The following RBFOX1 variants were observed in gnomAD, a reference collection of about 807,000 sequenced individuals.
The protein encoded by RBFOX1 is RNA binding fox-1 homolog 1.
RBFOX1 carries 8 observed loss-of-function variants against 57.7 expected under a neutral mutation model. The observed-to-expected ratio is 0.14, with a 90% CI of 0.08 to 0.25. The LOEUF is 0.25. RBFOX1 is among the 10% of genes least tolerant of loss of function. RBFOX1 has a pLI of 1.00. For missense variants in RBFOX1, 611 were observed against 548.5 expected, an observed-to-expected ratio of 1.11 and a Z score of -1.14; for synonymous variants, 326 against 222.4, an observed-to-expected ratio of 1.47 and a Z score of -4.15.
chr16:7,467,825 CCTT>C (rs1231515305), intron 4 of RBFOX1, among the ~76,000 whole-genome samples: 3 of 152,194 alleles, frequency 2.0e-5, no homozygotes, highest in East Asian at 1.9e-4. Context: ...TTTACAGAGT[CCTT>C]CTTTGTTTCC....
In RBFOX1 at chr16:6,779,785, T is replaced by TTATATATATTTATATATTTATATA. The variant is rs1567208191; in HGVS notation, c.-16+125136_-16+125137insATATATATTTATATATTTATATAT. On this transcript the variant is annotated intron_variant, in intron 3 of 15. Coordinates refer to ENST00000550418, the MANE Select transcript of RBFOX1 (RefSeq NM_018723.4). ...TATTTATATATATATTTATATATAT[T>TTATATATATTTATATATTTATATA]TTTATATATACTTTTATATATTTAT... 1.9e-3 allele frequency among the ~76,000 whole-genome samples: 8 copies of TTATATATATTTATATATTTATATA among 4,156 alleles called. 4 individuals carry two copies. Among genetic ancestry groups the TTATATATATTTATATATTTATATA allele is most frequent in the African/African-American group, 4.2e-3 (4 of 954 alleles). 2.7% of individuals were successfully genotyped at this position (4,156 alleles called of 152,430 possible). A position where few individuals can be genotyped will look rare whatever the true frequency, so the allele number is the denominator to read the frequency against.
intron 2 of RBFOX1, among the ~76,000 whole-genome samples, chr16:6,393,970 A>C (rs1269777899): frequency 2.0e-5 from 3 of 152,192 alleles, no homozygotes; most frequent in Non-Finnish European, 2.9e-5. Flanking sequence ...TTCTTTTTCC[A>C]ACAAGAATCT....
At chr16:7,319,205 T>C (rs2096498466) in intron 4 of RBFOX1, among the ~76,000 whole-genome samples, 1 of 152,192 alleles carries the variant, frequency 6.6e-6, no homozygotes, top group South Asian at 2.1e-4. Flanking sequence ...GTCTGTGCCG[T>C]AATCCTAAAA....
rs191045742 is a variant in RBFOX1 at position 5,335,989 on chromosome 16, A to G, written c.219+95884A>G. ...ATCAGTCTGGGATGTAGGAATTATT[A>G]TTAGTCCAATTTGGTAGGTGAGAAA... On this transcript the variant is annotated intron_variant, in intron 1 of 2. Coordinates refer to the RBFOX1 transcript ENST00000585867. Among the ~76,000 whole-genome samples, 385 of 152,242 alleles carry G rather than the reference A, an allele frequency of 2.5e-3. 1 individual carries two copies. Among genetic ancestry groups the G allele is most frequent in the African/African-American group, 8.6e-3 (359 of 41,544 alleles).
intron 3 of RBFOX1, among the ~76,000 whole-genome samples, chr16:5,669,049 C>T (rs975965595): frequency 7.2e-5 from 11 of 152,316 alleles, no homozygotes; most frequent in African/African-American, 2.6e-4. Context: ...TGAGCACCCA[C>T]ATAATGGCAC....
chr16:6,639,835 C>T (rs191860534), intron 2 of RBFOX1, among the ~76,000 whole-genome samples: 75 of 152,142 alleles, frequency 4.9e-4, no homozygotes, highest in Admixed American at 1.4e-3. Context: ...GCTGAGATCA[C>T]GCCACTGCAC....
intron 4 of RBFOX1, among the ~76,000 whole-genome samples, chr16:7,360,547 C>G (rs1327065635): frequency 1.3e-5 from 2 of 152,154 alleles, no homozygotes; most frequent in African/African-American, 4.8e-5. Context: ...AACGGGTGGC[C>G]TGAGGACCAA....
intron 3 of RBFOX1, among the ~76,000 whole-genome samples, chr16:6,805,366 C>T (rs12443558): frequency 6.6e-6 from 1 of 152,006 alleles, no homozygotes; most frequent in African/African-American, 2.4e-5. Flanking sequence ...CAGAGGGGAA[C>T]AGCAGACTTT....
At chr16:6,707,559 C>A (rs1386254645) in intron 3 of RBFOX1, among the ~76,000 whole-genome samples, 1 of 138,716 alleles carries the variant, frequency 7.2e-6, no homozygotes, top group Non-Finnish European at 1.5e-5. Context: ...TCTAAGATTT[C>A]CTTAGAATCA....
At chr16:7,608,167 A>G (rs570453289) in intron 10 of RBFOX1, among the ~76,000 whole-genome samples, 1 of 152,336 alleles carries the variant, frequency 6.6e-6, no homozygotes, top group African/African-American at 2.4e-5. Flanking sequence ...AGGAGAAATA[A>G]ATAATCCGTT....
At chr16:6,326,005 C>A in intron 2 of RBFOX1, among the ~76,000 whole-genome samples, 1 of 152,188 alleles carries the variant, frequency 6.6e-6, no homozygotes, top group East Asian at 1.9e-4. Context: ...CTCCCACTGA[C>A]TGACTTGTGT....
At chr16:6,362,575 G>A (rs1349707445) in intron 2 of RBFOX1, among the ~76,000 whole-genome samples, 1 of 152,182 alleles carries the variant, frequency 6.6e-6, no homozygotes, top group Non-Finnish European at 1.5e-5. Context: ...GCAGCTTTCT[G>A]TTACAACGTG....
chr16:6,149,764 C>A (rs1183522946), intron 1 of RBFOX1, among the ~76,000 whole-genome samples: 1 of 152,196 alleles, frequency 6.6e-6, no homozygotes, highest in African/African-American at 2.4e-5. Flanking sequence ...ATAGTCGATT[C>A]TCTTACCTGC....
chr16:7,214,554 T>G (rs2091712805), intron 4 of RBFOX1, among the ~76,000 whole-genome samples: 1 of 152,010 alleles, frequency 6.6e-6, no homozygotes, highest in South Asian at 2.1e-4. Context: ...GGTTTCTGCT[T>G]GGTCACCCCA....
chr16:6,637,384 T>TATA (rs2098451756), intron 2 of RBFOX1, among the ~76,000 whole-genome samples: 3 of 14,168 alleles, frequency 2.1e-4, no homozygotes, highest in Admixed American at 1.4e-3. Flanking sequence ...AATATACAAA[T>TATA]ATATATTATA....
At chr16:6,162,380 G>A (rs2096886151) in intron 1 of RBFOX1, among the ~76,000 whole-genome samples, 1 of 152,184 alleles carries the variant, frequency 6.6e-6, no homozygotes, top group Non-Finnish European at 1.5e-5. Flanking sequence ...CTTCCAAACT[G>A]CTGGGATTAC....
rs200030399 is a variant in RBFOX1, at chr16:6,100,155, G to GTT, written c.-127+80171_-127+80172dup. On this transcript the variant is annotated intron_variant, in intron 1 of 15. Coordinates refer to ENST00000550418, the MANE Select transcript of RBFOX1 (RefSeq NM_018723.4). ...TTGCATTATTGTTTTTTTTGTTGTT[G>GTT]TTTTTTTTTGTTGTTGTTGTTTTTT... 3.4e-4 allele frequency among the ~76,000 whole-genome samples: 51 copies of GTT among 150,248 alleles called. No individual in the cohort carries two copies. In the East Asian group the frequency reaches 8.4e-3, roughly 25 times the overall value.
At chr16:7,085,027 C>G (rs1369490016) in intron 4 of RBFOX1, among the ~76,000 whole-genome samples, 6 of 152,098 alleles carry the variant, frequency 3.9e-5, no homozygotes, top group Non-Finnish European at 7.3e-5. Flanking sequence ...GTGTCTTACT[C>G]AGAATGGAAA....
At chr16:6,455,463 G>A (rs139673490) in intron 2 of RBFOX1, among the ~76,000 whole-genome samples, 3 of 152,148 alleles carry the variant, frequency 2.0e-5, no homozygotes, top group African/African-American at 7.2e-5. Flanking sequence ...GCCTCCCGTT[G>A]AGTGGCAGGC....
Sources: allele counts gnomAD v4.1 joint callset (sites outside exome capture counted in the v4.1 genomes callset), GRCh38; gene constraint gnomAD v4.1.1; transcripts MANE v1.5; gene names NCBI Gene and HGNC (gene_info 2026-07-23, HGNC 2026-07-21).